Variants in ADCK1 observed in about 807,000 individuals in gnomAD.
The protein encoded by ADCK1 is aarF domain containing kinase 1, also known as aarF domain-containing protein kinase 1.
ADCK1 carries 41 observed loss-of-function variants against 52.3 expected under a neutral mutation model. The observed-to-expected ratio is 0.78, with a 90% CI of 0.61 to 1.02. The LOEUF is 1.02. ADCK1 is among the 50% of genes least tolerant of loss of function. The pLI, the probability that ADCK1 is intolerant of heterozygous loss-of-function variation, is 0.00. For missense variants in ADCK1, 658 were observed against 679.5 expected (o/e 0.97, Z 0.35); for synonymous variants, 250 against 274.6 (o/e 0.91, Z 0.89).
At chr14:77,908,034 T>A in intron 7 of ADCK1, 115 bp downstream of exon 7, 1 of 773,060 alleles carries the variant, frequency 1.3e-6, no homozygotes, top group Non-Finnish European at 2.2e-6. Flanking sequence ...TTGTCTTTAA[T>A]AGGGCCCATT....
chr14:77,808,032 C>T (rs2081266402), intron 1 of ADCK1, among the ~76,000 whole-genome samples: 1 of 152,114 alleles, frequency 6.6e-6, no homozygotes, highest in African/African-American at 2.4e-5. Context: ...GGCAGCACAA[C>T]AAAACATACG....
chr14:77,867,328 A>G (rs1441482910), intron 4 of ADCK1, among the ~76,000 whole-genome samples: 1 of 152,212 alleles, frequency 6.6e-6, no homozygotes, highest in African/African-American at 2.4e-5. Flanking sequence ...GAACAGAAGG[A>G]TCTGGTGGCC....
intron 3 of ADCK1, among the ~76,000 whole-genome samples, chr14:77,841,788 G>T (rs1406889884): frequency 2.8e-5 from 4 of 143,996 alleles, no homozygotes; most frequent in Admixed American, 1.4e-4. Context: ...AGGTTGCACT[G>T]AGCCGAGATC....
intron 6 of ADCK1, among the ~76,000 whole-genome samples, chr14:77,906,903 G>A (rs1423384242): frequency 1.3e-5 from 2 of 152,110 alleles, no homozygotes; most frequent in African/African-American, 2.4e-5. Flanking sequence ...AAGCAGGCAA[G>A]GAAAGTATTT....
chr14:77,863,848 A>G (rs1566679269), intron 4 of ADCK1, among the ~76,000 whole-genome samples: 1 of 152,114 alleles, frequency 6.6e-6, no homozygotes, highest in Non-Finnish European at 1.5e-5. Context: ...AAAAGAAAAA[A>G]AAAAAGAAAT....
chr14:77,885,539 C>A (rs117681080), intron 4 of ADCK1, among the ~76,000 whole-genome samples: 62 of 152,148 alleles, frequency 4.1e-4, no homozygotes, highest in Non-Finnish European at 5.9e-4. Flanking sequence ...ATTTATGAGA[C>A]GAGATTAGGA....
At chr14:77,864,322 TAAAG>T (rs1332723863) in intron 4 of ADCK1, among the ~76,000 whole-genome samples, 2 of 152,210 alleles carry the variant, frequency 1.3e-5, no homozygotes, top group Non-Finnish European at 2.9e-5. Context: ...AGAAAAGAGA[TAAAG>T]AAGCCTTTCC....
At chr14:77,841,221 T>C (rs2082058853) in intron 3 of ADCK1, among the ~76,000 whole-genome samples, 1 of 151,972 alleles carries the variant, frequency 6.6e-6, no homozygotes, top group African/African-American at 2.4e-5. Context: ...CTGAAGGACA[T>C]GGAGGGAGGC....
At chr14:77,827,669 G>T (rs1171063013) in intron 3 of ADCK1, among the ~76,000 whole-genome samples, 2 of 152,018 alleles carry the variant, frequency 1.3e-5, no homozygotes, top group African/African-American at 4.8e-5. Flanking sequence ...TAACTCAAGG[G>T]AAGAAATGAA....
chr14:77,886,620 T>A (rs894589100), intron 4 of ADCK1, among the ~76,000 whole-genome samples: 1 of 152,120 alleles, frequency 6.6e-6, no homozygotes, highest in African/African-American at 2.4e-5. Flanking sequence ...GGTACACAAC[T>A]GATAAAGCAA....
At chr14:77,829,928 G>T (rs1468683393) in intron 3 of ADCK1, among the ~76,000 whole-genome samples, 4 of 150,942 alleles carry the variant, frequency 2.7e-5, no homozygotes, top group African/African-American at 9.7e-5. Context: ...TGAAATTTTG[G>T]GGGTTGTCTA....
chr14:77,925,682 G>A, intron 8 of ADCK1, 82 bp from the exon 9 acceptor site: 1 of 1,398,720 alleles, frequency 7.1e-7, no homozygotes. Flanking sequence ...GTCGTCTTTT[G>A]CAATGGTTGG....
intron 4 of ADCK1, among the ~76,000 whole-genome samples, chr14:77,885,661 A>C (rs1311181531): frequency 6.6e-6 from 1 of 152,136 alleles, no homozygotes; most frequent in Non-Finnish European, 1.5e-5. Context: ...CTGCAGTAGC[A>C]GGGATAGAGG....
intron 5 of ADCK1, among the ~76,000 whole-genome samples, chr14:77,889,069 G>C (rs542833398): frequency 5.1e-4 from 77 of 152,326 alleles, no homozygotes; most frequent in African/African-American, 1.8e-3. Context: ...CAGTCCCCCT[G>C]CAAAGGCTCT....
At chr14:77,852,671 A>ATATATTTATATATATATATAT (rs1566667220) in intron 3 of ADCK1, among the ~76,000 whole-genome samples, 2 of 10,804 alleles carry the variant, frequency 1.9e-4, no homozygotes, top group South Asian at 7.0e-3. Context: ...ATATATATAT[A>ATATATTTATATATATATATAT]TATATATATA....
intron 4 of ADCK1, among the ~76,000 whole-genome samples, chr14:77,882,632 G>T (rs2083053211): frequency 6.6e-6 from 1 of 152,194 alleles, no homozygotes; most frequent in Non-Finnish European, 1.5e-5. Flanking sequence ...GTGGCATCTG[G>T]AGGGGCTGTT....
chr14:77,804,204 G>C (rs1332034407), intron 1 of ADCK1, among the ~76,000 whole-genome samples: 3 of 152,128 alleles, frequency 2.0e-5, no homozygotes, highest in Admixed American at 2.0e-4. Flanking sequence ...AAAAAGGCTA[G>C]TAAGCAGAAC....
At chr14:77,820,890 ATTT>A (rs1215778012) in intron 2 of ADCK1, 1 of 151,520 alleles carries the variant, frequency 6.6e-6, no homozygotes, top group Admixed American at 6.6e-5. Flanking sequence ...TAATTTCTGT[ATTT>A]TTAGTAGAGA....
chr14:77,917,461 G>T (rs2083951254), intron 7 of ADCK1, among the ~76,000 whole-genome samples: 1 of 152,152 alleles, frequency 6.6e-6, no homozygotes, highest in Non-Finnish European at 1.5e-5. Flanking sequence ...TCTCTTGAGG[G>T]TGGGAATAAA....
Sources: gnomAD v4.1 joint callset for allele counts (sites outside exome capture counted in the v4.1 genomes callset) on GRCh38, gnomAD v4.1.1 for gene constraint, MANE v1.5 for transcripts, NCBI Gene and HGNC (gene_info 2026-07-23, HGNC 2026-07-21) for gene names.